The following HS6ST2 variants were observed in gnomAD, a reference collection of about 807,000 sequenced individuals.
HS6ST2 encodes heparan sulfate 6-O-sulfotransferase 2, also known as heparan-sulfate 6-O-sulfotransferase 2.
A neutral mutation model predicts 33.0 loss-of-function variants in HS6ST2; 17 were observed. The observed-to-expected ratio is 0.52, with a 90% CI of 0.35 to 0.77. HS6ST2 has a LOEUF of 0.77. Ranked by LOEUF, HS6ST2 falls within the 30% of genes least tolerant of loss-of-function variation. HS6ST2 has a pLI of 0.01. For synonymous variants in HS6ST2, 248 were observed against 237.1 expected, an observed-to-expected ratio of 1.05 and a Z score of -0.42; for missense variants, 519 against 551.7, an observed-to-expected ratio of 0.94 and a Z score of 0.59.
chrX:132,866,084 GT>G, intron 2 of HS6ST2, among the ~76,000 whole-genome samples: 1 of 110,523 alleles, frequency 9.0e-6, no homozygotes, highest in Admixed American at 9.6e-5. Flanking sequence ...TAATGCCTAG[GT>G]TTTCTTCTAG....
chrX:132,871,917 C>T (rs994982957), intron 2 of HS6ST2, among the ~76,000 whole-genome samples: 2 of 111,514 alleles, frequency 1.8e-5, no homozygotes, highest in Non-Finnish European at 3.8e-5. Flanking sequence ...TATCTTAATA[C>T]TTAAAAGTAT....
In HS6ST2 at chrX:132,930,292, G is replaced by T. The variant is rs139409914; in HGVS notation, c.947+26516C>A. Among the ~76,000 whole-genome samples, 6 of 111,057 alleles carry T rather than the reference G, an allele frequency of 5.4e-5. No homozygotes were observed. In the East Asian group the frequency reaches 1.7e-3, roughly 31 times the overall value. On this transcript the variant is annotated intron_variant, in intron 2 of 4. Coordinates refer to ENST00000370833, the MANE Select transcript of HS6ST2 (RefSeq NM_001394073.1). Reference sequence around the variant, plus strand: ...TTCTCATGCTTCAGCCTCCTCAGTAGCTGGGATTACAGACATGTGCCACCA... The same window carrying T: ...TTCTCATGCTTCAGCCTCCTCAGTATCTGGGATTACAGACATGTGCCACCA...
At chrX:132,759,519 G>A (rs1461476576) in intron 2 of HS6ST2, among the ~76,000 whole-genome samples, 3 of 111,040 alleles carry the variant, frequency 2.7e-5, no homozygotes, top group African/African-American at 6.6e-5. Context: ...GGGGTGATGG[G>A]GAGTGATTGT....
intron 2 of HS6ST2, among the ~76,000 whole-genome samples, chrX:132,771,060 C>G: frequency 9.0e-6 from 1 of 111,260 alleles, no homozygotes; most frequent in South Asian, 3.8e-4. Context: ...GTCCCAGACA[C>G]TAAAGTCTAG....
intron 2 of HS6ST2, among the ~76,000 whole-genome samples, chrX:132,730,895 C>A (rs2064450541): frequency 8.9e-6 from 1 of 111,855 alleles, no homozygotes; most frequent in Non-Finnish European, 1.9e-5. Context: ...ATCAGAGTGA[C>A]CTGGGAAGCC....
chrX:132,767,566 GA>G (rs1404719781), intron 2 of HS6ST2, among the ~76,000 whole-genome samples: 5 of 110,538 alleles, frequency 4.5e-5, no homozygotes, highest in East Asian at 2.8e-4. Flanking sequence ...TGTTTACATT[GA>G]AAAAAAATTA....
chrX:132,736,141 G>A (rs1315720048), intron 2 of HS6ST2, among the ~76,000 whole-genome samples: 1 of 111,486 alleles, frequency 9.0e-6, no homozygotes, highest in African/African-American at 3.3e-5. Flanking sequence ...TACCGTGCCC[G>A]GACAACTGCA....
At chrX:132,670,799 C>T (rs990043811) in intron 3 of HS6ST2, among the ~76,000 whole-genome samples, 15 of 111,892 alleles carry the variant, frequency 1.3e-4, no homozygotes, top group Admixed American at 1.3e-3. Flanking sequence ...GGCAACAGTG[C>T]GAGACTCCGT....
rs892666850 is a variant in HS6ST2, at chrX:132,919,970, G to A, written c.947+36838C>T. On this transcript the variant is annotated intron_variant, in intron 2 of 4. Transcript: ENST00000370833. ...GGAAAACCCTGGAAAGATGAACAAA[G>A]AACAACCCCCGTGATTAGTTGCTAA... Among the ~76,000 whole-genome samples the A allele has an allele frequency of 5.8e-4, 65 of 111,720 alleles. 1 individual carries two copies. Among genetic ancestry groups the A allele is most frequent in the Non-Finnish European group, 3.4e-4 (18 of 53,177 alleles).
At chrX:132,957,415 T>A (rs1311928015) in intron 1 of HS6ST2, 89 bp from the exon 2 acceptor site, 4 of 984,686 alleles carry the variant, frequency 4.1e-6, no homozygotes, top group Non-Finnish European at 5.4e-6. Context: ...CTGGAGCCGC[T>A]GCTGCGCCCC....
At chrX:132,720,993 A>T (rs1241021568) in intron 2 of HS6ST2, among the ~76,000 whole-genome samples, 1 of 111,914 alleles carries the variant, frequency 8.9e-6, no homozygotes, top group Non-Finnish European at 1.9e-5. Flanking sequence ...AGAGATTCCA[A>T]CACCCACTTT....
At chrX:132,713,834 C>T (rs1475694731) in intron 2 of HS6ST2, among the ~76,000 whole-genome samples, 1 of 110,239 alleles carries the variant, frequency 9.1e-6, no homozygotes, top group Non-Finnish European at 1.9e-5. Flanking sequence ...CCCATCCTTT[C>T]GTTCCCTGCC....
chrX:132,695,310 C>G (rs975784200), intron 3 of HS6ST2, among the ~76,000 whole-genome samples: 1 of 111,564 alleles, frequency 9.0e-6, no homozygotes, highest in Non-Finnish European at 1.9e-5. Context: ...GGGTGCAATA[C>G]AGATTGTTAT....
At chrX:132,897,748 C>T (rs1008065843) in intron 2 of HS6ST2, among the ~76,000 whole-genome samples, 1 of 111,435 alleles carries the variant, frequency 9.0e-6, no homozygotes, top group Non-Finnish European at 1.9e-5. Flanking sequence ...CACCTCCCTC[C>T]GCCCTCTTCC....
intron 2 of HS6ST2, among the ~76,000 whole-genome samples, chrX:132,751,060 C>CTA (rs2064702597): frequency 8.9e-6 from 1 of 112,119 alleles, no homozygotes; most frequent in African/African-American, 3.2e-5. Flanking sequence ...GTAGAGCAAG[C>CTA]TAAATGGAGA....
At chrX:132,937,672 C>T (rs940824737) in intron 2 of HS6ST2, among the ~76,000 whole-genome samples, 3 of 111,358 alleles carry the variant, frequency 2.7e-5, no homozygotes, top group Non-Finnish European at 5.6e-5. Context: ...GGACCCTTAG[C>T]CCTCATCATG....
At chrX:132,923,993 T>C (rs183913821) in intron 2 of HS6ST2, among the ~76,000 whole-genome samples, 31 of 112,331 alleles carry the variant, frequency 2.8e-4, no homozygotes, top group African/African-American at 1.0e-3. Context: ...TATCTTGTAG[T>C]CTAAAAAAAA....
intron 2 of HS6ST2, among the ~76,000 whole-genome samples, chrX:132,853,371 C>A (rs1445494333): frequency 9.6e-6 from 1 of 104,659 alleles, no homozygotes; most frequent in Non-Finnish European, 1.9e-5. Context: ...GTTGCCCAGG[C>A]TTGTCTTGAA....
At chrX:132,915,141 C>T (rs2066571514) in intron 2 of HS6ST2, among the ~76,000 whole-genome samples, 3 of 112,016 alleles carry the variant, frequency 2.7e-5, no homozygotes, top group African/African-American at 6.5e-5. Context: ...GTTTGGCACT[C>T]TCACTAGCAG....
Sources: allele counts gnomAD v4.1 joint callset (sites outside exome capture counted in the v4.1 genomes callset), GRCh38; gene constraint gnomAD v4.1.1; transcripts MANE v1.5; gene names NCBI Gene and HGNC (gene_info 2026-07-23, HGNC 2026-07-21).